The following ZNHIT6 variants were observed in gnomAD, a reference collection of about 807,000 sequenced individuals.
ZNHIT6 encodes the protein box C/D snoRNA protein 1.
In ZNHIT6, 45 loss-of-function variants were observed where a neutral mutation model predicts 57.2. That is an observed-to-expected ratio of 0.79 (90% CI 0.62 to 1.01). ZNHIT6 has a LOEUF of 1.01. ZNHIT6 is among the 50% of genes least tolerant of loss of function. The pLI is 0.00. For synonymous variants in ZNHIT6, 188 were observed against 190.0 expected, an observed-to-expected ratio of 0.99 and a Z score of 0.09; for missense variants, 528 against 567.3, an observed-to-expected ratio of 0.93 and a Z score of 0.70.
intron 9 of ZNHIT6, 64 bp from the exon 10 acceptor site, chr1:85,654,162 CCTCTTCTCTCCCTCCTT>C: frequency 7.2e-7 from 1 of 1,382,004 alleles, no homozygotes; most frequent in South Asian, 1.3e-5. Context: ...TTGCTCTGTC[CCTCTTCTCTCCCTCCTT>C]CTGATGTACA....
chr1:85,705,929 C>T (rs1662671803), intron 4 of ZNHIT6, 149 bp downstream of exon 4: 4 of 647,072 alleles, frequency 6.2e-6, no homozygotes, highest in Admixed American at 6.2e-5. Flanking sequence ...AGGGGACGGA[C>T]TTTGTTTGGG....
chr1:85,664,058 A>G (rs181403539), intron 8 of ZNHIT6, among the ~76,000 whole-genome samples: 20 of 152,230 alleles, frequency 1.3e-4, no homozygotes, highest in Admixed American at 5.2e-4. Context: ...AGAATATTGC[A>G]GGGGTCTCTG....
intron 5 of ZNHIT6, among the ~76,000 whole-genome samples, chr1:85,684,021 G>A (rs1438278708): frequency 6.6e-6 from 1 of 152,048 alleles, no homozygotes; most frequent in African/African-American, 2.4e-5. Context: ...CAAGGATAAA[G>A]GTTTGAACAT....
At chr1:85,702,759 A>G (rs1662573086) in intron 4 of ZNHIT6, among the ~76,000 whole-genome samples, 1 of 152,200 alleles carries the variant, frequency 6.6e-6, no homozygotes, top group Admixed American at 6.5e-5. Context: ...GCCTAGCTTA[A>G]AGTAACCACT....
chr1:85,667,961 A>AAAATATATATATATAT, intron 8 of ZNHIT6, among the ~76,000 whole-genome samples: 1 of 18,200 alleles, frequency 5.5e-5, no homozygotes, highest in African/African-American at 2.1e-4. Flanking sequence ...AAAAAAAAAA[A>AAAATATATATATATAT]ATATATATAT....
chr1:85,703,204 C>G (rs1662584670), intron 4 of ZNHIT6, among the ~76,000 whole-genome samples: 2 of 152,070 alleles, frequency 1.3e-5, no homozygotes, highest in South Asian at 4.1e-4. Flanking sequence ...ACAATCTCTA[C>G]TTTTAGAGCA....
rs939179228 is a variant in ZNHIT6, at chr1:85,653,589, A to T, written c.*469T>A. On this transcript the variant is annotated 3_prime_UTR_variant, in exon 10 of 10. Transcript: ENST00000370574. ...GAGACCAGCCTGGGCGAAAGAGCGC[A>T]ACCCTGTCTCTACCAAAAAAAAACA... 6.6e-6 allele frequency: 1 copy of T among 152,264 alleles called. No individual in the cohort carries two copies. The highest frequency in any genetic ancestry group is 2.4e-5 in the African/African-American group (1 of 41,370). 9.4% of individuals were successfully genotyped at this position (152,264 alleles called of 1,614,324 possible).
At chr1:85,678,644 A>G (rs1462494795) in intron 7 of ZNHIT6, 57 bp downstream of exon 7, 2 of 1,167,706 alleles carry the variant, frequency 1.7e-6, no homozygotes, top group East Asian at 2.4e-5. Context: ...GATGACCCTA[A>G]TAAGTACATC....
At chr1:85,674,896 A>G (rs1661657569) in intron 8 of ZNHIT6, among the ~76,000 whole-genome samples, 1 of 151,658 alleles carries the variant, frequency 6.6e-6, no homozygotes, top group Non-Finnish European at 1.5e-5. Context: ...AATTCTTGGT[A>G]ATAAAAGATA....
At chr1:85,704,414 A>C (rs1662621090) in intron 4 of ZNHIT6, among the ~76,000 whole-genome samples, 1 of 152,180 alleles carries the variant, frequency 6.6e-6, no homozygotes, top group South Asian at 2.1e-4. Context: ...TACAGTCCTA[A>C]GATAGAAAAA....
intron 5 of ZNHIT6, among the ~76,000 whole-genome samples, chr1:85,695,332 T>A (rs910497764): frequency 5.3e-5 from 8 of 152,132 alleles, no homozygotes; most frequent in African/African-American, 1.9e-4. Flanking sequence ...TTTATGAGAC[T>A]GTCACTAAAG....
rs187318068 is a variant in ZNHIT6 at position 85,651,107 on chromosome 1, T to C, written c.*2951A>G. ...ATTAAACAAAAATGTATAAAGAAAA[T>C]TGTTGGCATTATAGTTATGTGATTA... On this transcript the variant is annotated 3_prime_UTR_variant, in exon 10 of 10. Coordinates refer to ENST00000370574, the MANE Select transcript of ZNHIT6 (RefSeq NM_017953.4). 1 of 152,216 alleles carries C rather than the reference T, an allele frequency of 6.6e-6. No homozygotes were observed. The highest frequency in any genetic ancestry group is 2.4e-5 in the African/African-American group (1 of 41,532). 9.4% of individuals were successfully genotyped at this position (152,216 alleles called of 1,614,324 possible).
intron 8 of ZNHIT6, among the ~76,000 whole-genome samples, chr1:85,664,371 G>C (rs539037025): frequency 6.6e-6 from 1 of 152,256 alleles, no homozygotes; most frequent in Admixed American, 6.5e-5. Flanking sequence ...TGAAATTCTT[G>C]AAGTGTATTT....
intron 8 of ZNHIT6, among the ~76,000 whole-genome samples, chr1:85,669,321 C>T (rs780300087): frequency 1.3e-5 from 2 of 151,974 alleles, no homozygotes; most frequent in African/African-American, 4.8e-5. Flanking sequence ...AGCATTTTAC[C>T]TCTTCACTTC....
chr1:85,697,150 G>C lies in ZNHIT6; in HGVS notation c.1019+5007C>G, dbSNP rs543079422. Among the ~76,000 whole-genome samples the C allele has an allele frequency of 1.1e-3, 166 of 152,098 alleles. 1 individual carries two copies. Among genetic ancestry groups the C allele is most frequent in the African/African-American group, 3.9e-3 (160 of 41,484 alleles). ...CTCCCAGAGTGCTGGGATTACAGGCGTGAGCCACCGTGCCCGGCCAACCAT... is the reference window on the plus strand; with the variant it reads ...CTCCCAGAGTGCTGGGATTACAGGCCTGAGCCACCGTGCCCGGCCAACCAT... On this transcript the variant is annotated intron_variant, in intron 5 of 9. Transcript: ENST00000370574.
At chr1:85,704,399 T>G (rs1662620719) in intron 4 of ZNHIT6, among the ~76,000 whole-genome samples, 1 of 152,054 alleles carries the variant, frequency 6.6e-6, no homozygotes, top group Non-Finnish European at 1.5e-5. Flanking sequence ...GTAAACAAAT[T>G]GTGGTACAGT....
At chr1:85,703,711 C>T (rs1662603270) in intron 4 of ZNHIT6, among the ~76,000 whole-genome samples, 1 of 152,150 alleles carries the variant, frequency 6.6e-6, no homozygotes, top group South Asian at 2.1e-4. Context: ...AACTTCCTAA[C>T]TTCAAGGTAG....
At chr1:85,693,152 A>T (rs1662265122) in intron 5 of ZNHIT6, among the ~76,000 whole-genome samples, 3 of 152,178 alleles carry the variant, frequency 2.0e-5, no homozygotes, top group Admixed American at 2.0e-4. Flanking sequence ...GGCCAATATC[A>T]TTTGGAGACA....
chr1:85,671,450 G>C (rs2100665839), intron 8 of ZNHIT6, among the ~76,000 whole-genome samples: 1 of 151,578 alleles, frequency 6.6e-6, no homozygotes, highest in East Asian at 1.9e-4. Context: ...GTAAGACCCT[G>C]TCTCTTAAAA....
Sources: allele counts gnomAD v4.1 joint callset (sites outside exome capture counted in the v4.1 genomes callset), GRCh38; gene constraint gnomAD v4.1.1; transcripts MANE v1.5; gene names NCBI Gene and HGNC (gene_info 2026-07-23, HGNC 2026-07-21).